TTLL5: variants seen among roughly 807,000 people sequenced by gnomAD.
TTLL5 encodes the protein tubulin tyrosine ligase like 5.
A neutral mutation model predicts 168.4 loss-of-function variants in TTLL5; 132 were observed. The observed-to-expected ratio is 0.78, with a 90% CI of 0.68 to 0.91. The LOEUF (loss-of-function observed/expected upper bound fraction) is 0.91. Among genes scored for constraint, TTLL5 ranks in the 40% least tolerant of loss-of-function variants. TTLL5 has a pLI of 0.00. For synonymous variants in TTLL5, 546 were observed against 558.6 expected (o/e 0.98, Z 0.32); for missense variants, 1,545 against 1,581.5 (o/e 0.98, Z 0.39).
intron 18 of TTLL5, among the ~76,000 whole-genome samples, chr14:75,760,242 G>C (rs557209925): frequency 6.6e-6 from 1 of 152,004 alleles, no homozygotes; most frequent in Non-Finnish European, 1.5e-5. Context: ...ATTTACAACA[G>C]CATTTGAAAA....
chr14:75,695,675 A>C (rs1398128336), intron 6 of TTLL5, among the ~76,000 whole-genome samples: 1 of 152,184 alleles, frequency 6.6e-6, no homozygotes. Context: ...AGGGAAATAG[A>C]AAAGAACCTA....
intron 30 of TTLL5, among the ~76,000 whole-genome samples, chr14:75,901,836 G>T (rs1165882023): frequency 6.6e-6 from 1 of 152,174 alleles, no homozygotes; most frequent in Non-Finnish European, 1.5e-5. Context: ...TTGAGTACTT[G>T]TTATGTGTCA....
At position 75,938,287 on chromosome 14, in the gene TTLL5, T is replaced by C. The variant is rs114063133; in HGVS notation, c.3824-16137T>C. On this transcript the variant is annotated intron_variant, in intron 31 of 31. Coordinates refer to ENST00000298832, the MANE Select transcript of TTLL5 (RefSeq NM_015072.5). The stretch of plus-strand genomic sequence containing the variant: ...AATTGAGCAATCATCTGTATGGAGA[T>C]ACTTGTTAAAACTGTGAGTGGATGC... Among the ~76,000 whole-genome samples, 892 of 152,348 alleles carry C rather than the reference T, an allele frequency of 5.9e-3. 9 individuals carry two copies. Among genetic ancestry groups the C allele is most frequent in the African/African-American group, 0.02 (832 of 41,572 alleles).
At chr14:75,903,667 G>A (rs1277998875) in intron 31 of TTLL5, among the ~76,000 whole-genome samples, 2 of 151,930 alleles carry the variant, frequency 1.3e-5, no homozygotes, top group African/African-American at 4.8e-5. Context: ...GCTTTGGAAA[G>A]ACGAGGCAGG....
intron 29 of TTLL5, among the ~76,000 whole-genome samples, chr14:75,871,519 C>T (rs2031032240): frequency 6.6e-6 from 1 of 151,362 alleles, no homozygotes; most frequent in South Asian, 2.1e-4. Flanking sequence ...GGCATTCCAG[C>T]ATTATTGCTG....
At chr14:75,775,705 T>C in intron 22 of TTLL5, 75 bp downstream of exon 22, 1 of 1,535,710 alleles carries the variant, frequency 6.5e-7, no homozygotes, top group Non-Finnish European at 8.8e-7. Context: ...GAAGCCTCTG[T>C]CCAACTGGAT....
intron 10 of TTLL5, among the ~76,000 whole-genome samples, chr14:75,718,706 G>T (rs1343352225): frequency 6.6e-6 from 1 of 152,160 alleles, no homozygotes; most frequent in African/African-American, 2.4e-5. Context: ...AAGAAATGAG[G>T]CCATCTCAGA....
At chr14:75,729,471 A>ACT (rs1888395788) in intron 12 of TTLL5, among the ~76,000 whole-genome samples, 1 of 148,954 alleles carries the variant, frequency 6.7e-6, no homozygotes. Flanking sequence ...TTCTTTAAGG[A>ACT]CTCTAGTTGC....
At chr14:75,843,726 ACCT>A (rs1308393120) in intron 28 of TTLL5, among the ~76,000 whole-genome samples, 1 of 151,842 alleles carries the variant, frequency 6.6e-6, no homozygotes, top group African/African-American at 2.4e-5. Context: ...AGTGCCTGGC[ACCT>A]CCTCTTCTTT....
chr14:75,779,665 GAACAAC>G lies in TTLL5; in HGVS notation c.2484_2489del (p.Asn829_Asn830del). 6.2e-7 allele frequency: 1 copy of G among 1,613,466 alleles called. No homozygotes were observed. The highest frequency in any genetic ancestry group is 8.5e-7 in the Non-Finnish European group (1 of 1,179,790). On this transcript the variant is annotated inframe_deletion, in exon 24 of 32. Coordinates refer to ENST00000298832, the MANE Select transcript of TTLL5 (RefSeq NM_015072.5). ...TGGGGACTCACTCTAAAATTTCTAAGAACAACAACAATTATTCTGATAGTGGGGCAA... is the reference window on the plus strand; with the variant it reads ...TGGGGACTCACTCTAAAATTTCTAAGAACAATTATTCTGATAGTGGGGCAA...
chr14:75,733,994 C>T lies in TTLL5; in HGVS notation c.1130C>T (p.Ala377Val), dbSNP rs369874143. The change falls in exon 14 of 32, where the codon GCG (alanine) becomes GTG (valine). Residue 377 changes from alanine (A) to valine (V), a missense_variant. Ala to Val is a moderately conservative substitution (Grantham distance 64). Coordinates refer to ENST00000298832, the MANE Select transcript of TTLL5 (RefSeq NM_015072.5). ...TTCTTTCTCTGTTCTGTTAGTGATG[C>T]GCCTCTGGACCTAAAGATTAAAGCC... is the stretch of plus-strand genomic sequence containing the variant. ...VNLSPSLACD[A>V]PLDLKIKASM... is the part of the protein sequence containing the mutation. 23 of 1,613,750 alleles carry T rather than the reference C, an allele frequency of 1.4e-5. No individual in the cohort carries two copies. The highest frequency in any genetic ancestry group is 2.2e-5 in the East Asian group (1 of 44,880).
intron 17 of TTLL5, among the ~76,000 whole-genome samples, chr14:75,746,093 G>A (rs1889590834): frequency 6.6e-6 from 1 of 151,990 alleles, no homozygotes; most frequent in Non-Finnish European, 1.5e-5. Flanking sequence ...ACATGACCCT[G>A]GGCTTCAGAC....
At chr14:75,664,948 C>G (rs946563310) in intron 2 of TTLL5, among the ~76,000 whole-genome samples, 2 of 152,166 alleles carry the variant, frequency 1.3e-5, no homozygotes, top group African/African-American at 4.8e-5. Context: ...CAGAAACAGT[C>G]AAATACTGAC....
intron 29 of TTLL5, among the ~76,000 whole-genome samples, chr14:75,877,873 C>G (rs2031584142): frequency 6.6e-6 from 1 of 152,188 alleles, no homozygotes; most frequent in African/African-American, 2.4e-5. Context: ...AGTTTACACA[C>G]AACCATTTAT....
At chr14:75,667,722 CTG>C (rs949189631) in intron 2 of TTLL5, among the ~76,000 whole-genome samples, 2 of 147,420 alleles carry the variant, frequency 1.4e-5, no homozygotes, top group African/African-American at 5.0e-5. Context: ...GCCTTACAGA[CTG>C]TGCATTCAGA....
Position 75,821,935 on chromosome 14 carries a change from T to C in TTLL5, c.3326+1774T>C, listed in dbSNP as rs111425973. Among the ~76,000 whole-genome samples, 1,389 of 152,276 alleles carry C rather than the reference T, an allele frequency of 9.1e-3. 30 individuals are homozygous for C. Among genetic ancestry groups the C allele is most frequent in the African/African-American group, 0.032 (1,331 of 41,542 alleles). On this transcript the variant is annotated intron_variant, in intron 28 of 31. Coordinates refer to ENST00000298832, the MANE Select transcript of TTLL5 (RefSeq NM_015072.5). ...CACAAGAGCCAGTTTTCAAGTCCCA[T>C]TTCAGTTCAGGGTAGCCCTGGGACA...
intron 30 of TTLL5, chr14:75,886,704 C>G (rs759419190): frequency 2.5e-6 from 4 of 1,597,928 alleles, no homozygotes; most frequent in Non-Finnish European, 3.4e-6. Context: ...ATTTAGTACC[C>G]GCTTCAGATC....
intron 13 of TTLL5, 32 bp from the exon 14 acceptor site, chr14:75,733,957 T>G (rs1344259100): frequency 6.2e-7 from 1 of 1,609,792 alleles, no homozygotes; most frequent in Non-Finnish European, 8.5e-7. Context: ...TACACACTTA[T>G]CAATTGCTCT....
intron 30 of TTLL5, among the ~76,000 whole-genome samples, chr14:75,894,920 A>G (rs554968374): frequency 1.3e-5 from 2 of 152,292 alleles, no homozygotes; most frequent in South Asian, 4.1e-4. Flanking sequence ...ATAGAAACCA[A>G]AAGCTGACAA....
Sources: gnomAD v4.1 joint callset for allele counts (sites outside exome capture counted in the v4.1 genomes callset) on GRCh38, gnomAD v4.1.1 for gene constraint, MANE v1.5 for transcripts, NCBI Gene and HGNC (gene_info 2026-07-23, HGNC 2026-07-21) for gene names.